The following ZZZ3 variants were observed in gnomAD, a reference collection of about 807,000 sequenced individuals.
ZZZ3 encodes zinc finger ZZ-type containing 3.
ZZZ3 carries 22 observed loss-of-function variants against 95.2 expected under a neutral mutation model. The ratio of observed to expected loss-of-function variants is 0.23; its 90% confidence interval spans 0.17 to 0.33. The LOEUF is 0.33. ZZZ3 is among the 10% of genes least tolerant of loss of function. The pLI, the probability that ZZZ3 is intolerant of heterozygous loss-of-function variation, is 1.00. For missense variants in ZZZ3, 885 were observed against 1,066.5 expected (o/e 0.83, Z 2.37); for synonymous variants, 335 against 358.9 (o/e 0.93, Z 0.75).
chr1:77,673,256 A>G (rs1384198073), intron 1 of ZZZ3, among the ~76,000 whole-genome samples: 1 of 152,200 alleles, frequency 6.6e-6, no homozygotes, highest in African/African-American at 2.4e-5. Context: ...TAAAATTAAG[A>G]AAGTGAAATG....
chr1:77,657,187 G>A (rs1387678122), intron 1 of ZZZ3, among the ~76,000 whole-genome samples: 1 of 152,032 alleles, frequency 6.6e-6, no homozygotes, highest in African/African-American at 2.4e-5. Flanking sequence ...TCACTGTGTT[G>A]GCCAGACTGG....
At chr1:77,589,738 G>A (rs1663485470) in intron 5 of ZZZ3, among the ~76,000 whole-genome samples, 2 of 152,044 alleles carry the variant, frequency 1.3e-5, no homozygotes, top group African/African-American at 4.8e-5. Flanking sequence ...AGGATTATAG[G>A]CATGAACCAC....
At chr1:77,581,385 T>C (rs528888356) in intron 8 of ZZZ3, among the ~76,000 whole-genome samples, 1 of 152,170 alleles carries the variant, frequency 6.6e-6, no homozygotes, top group South Asian at 2.1e-4. Flanking sequence ...TAACTAAGAG[T>C]GGCAAGGCCA....
intron 5 of ZZZ3, among the ~76,000 whole-genome samples, chr1:77,607,625 T>C (rs1665372821): frequency 6.6e-6 from 1 of 152,078 alleles, no homozygotes; most frequent in Non-Finnish European, 1.5e-5. Flanking sequence ...AGACAGGCTA[T>C]TTGAAAATAC....
At chr1:77,576,426 A>G (rs1661954022) in intron 11 of ZZZ3, among the ~76,000 whole-genome samples, 1 of 152,056 alleles carries the variant, frequency 6.6e-6, no homozygotes, top group African/African-American at 2.4e-5. Context: ...TGTAGGGGAA[A>G]TACCCCAACA....
chr1:77,661,143 C>T (rs1306686488), intron 1 of ZZZ3, among the ~76,000 whole-genome samples: 1 of 151,752 alleles, frequency 6.6e-6, no homozygotes, highest in Non-Finnish European at 1.5e-5. Flanking sequence ...AGGCCAGGCG[C>T]AGTGGCTCAT....
chr1:77,632,496 A>G lies in ZZZ3; in HGVS notation c.859T>C (p.Leu287=), dbSNP rs148900999. 2.5e-6 allele frequency: 4 copies of G among 1,614,082 alleles called. No individual in the cohort carries two copies. In the African/African-American group the frequency reaches 4.0e-5, roughly 16 times the overall value. The change falls in exon 5 of 15, where the codon TTG becomes CTG. Residue 287 remains leucine (L), a synonymous_variant. Coordinates refer to ENST00000370801, the MANE Select transcript of ZZZ3 (RefSeq NM_015534.6). ...AGCTGATTAACATGTTCCACAGGCA[A>G]GCAGGCAGTTACTATTTTGTGGTCC... is the stretch of plus-strand genomic sequence containing the variant. ...LEDHKIVTAC[L]PVEHVNQLTT...
intron 3 of ZZZ3, among the ~76,000 whole-genome samples, chr1:77,640,722 C>T (rs72683667): frequency 0.045 from 6,810 of 152,030 alleles, 231 homozygotes; most frequent in Non-Finnish European, 0.069. Context: ...GAAACTGTCG[C>T]TTTATTATAA....
chr1:77,580,838 T>C (rs1662438336), intron 9 of ZZZ3, 160 bp downstream of exon 9: 11 of 580,804 alleles, frequency 1.9e-5, no homozygotes, highest in Non-Finnish European at 3.1e-5. Flanking sequence ...GTTGGCCAGG[T>C]TGGTCTTGAA....
chr1:77,614,429 C>T (rs929389913), intron 5 of ZZZ3, among the ~76,000 whole-genome samples: 1 of 152,228 alleles, frequency 6.6e-6, no homozygotes, highest in Non-Finnish European at 1.5e-5. Context: ...CCATTAACGT[C>T]TCTTGATTCT....
chr1:77,603,070 T>G (rs1445763764), intron 5 of ZZZ3, among the ~76,000 whole-genome samples: 1 of 152,066 alleles, frequency 6.6e-6, no homozygotes, highest in African/African-American at 2.4e-5. Flanking sequence ...CCTATTTCTT[T>G]AAGAACCTGT....
intron 5 of ZZZ3, among the ~76,000 whole-genome samples, chr1:77,599,511 T>C (rs1211720584): frequency 6.6e-6 from 1 of 152,040 alleles, no homozygotes; most frequent in Non-Finnish European, 1.5e-5. Flanking sequence ...TTTCATAATA[T>C]AATTATTTAC....
In ZZZ3 at chr1:77,565,209, CTT is replaced by C. The variant is rs919415693; in HGVS notation, c.*429_*430del. ...AAGCAAACACCATCATTGGTTAAAA[CTT>C]TGTCTAAAGAAGTCAGTTTCTGTGC... On this transcript the variant is annotated 3_prime_UTR_variant, in exon 15 of 15. Transcript: ENST00000370801. 3.2e-5 allele frequency: 5 copies of C among 154,278 alleles called. No individual in the cohort carries two copies. Among genetic ancestry groups the C allele is most frequent in the African/African-American group, 1.2e-4 (5 of 41,618 alleles). The allele number at this position is 154,278 out of a possible 1,614,324, so 9.6% of individuals were successfully genotyped here.
At chr1:77,666,862 A>G (rs1198983499) in intron 1 of ZZZ3, among the ~76,000 whole-genome samples, 2 of 152,248 alleles carry the variant, frequency 1.3e-5, no homozygotes, top group African/African-American at 2.4e-5. Context: ...ATTGAAGTCT[A>G]TGTAAATGAT....
intron 5 of ZZZ3, among the ~76,000 whole-genome samples, chr1:77,603,818 A>G (rs969831955): frequency 1.3e-5 from 2 of 152,190 alleles, no homozygotes; most frequent in African/African-American, 4.8e-5. Context: ...CTTATTTCTG[A>G]CATAAAACTT....
At chr1:77,583,622 C>T (rs1031604619) in intron 6 of ZZZ3, among the ~76,000 whole-genome samples, 1 of 152,070 alleles carries the variant, frequency 6.6e-6, no homozygotes, top group Admixed American at 6.5e-5. Context: ...GAAATAAAGT[C>T]CCCAGGGCTG....
At chr1:77,649,623 C>T (rs748700808) in intron 1 of ZZZ3, among the ~76,000 whole-genome samples, 191 of 152,264 alleles carry the variant, frequency 1.3e-3, no homozygotes, top group Non-Finnish European at 1.9e-3. Flanking sequence ...TGGCTCATGC[C>T]TGTAATCCCA....
intron 12 of ZZZ3, 136 bp downstream of exon 12, chr1:77,575,932 A>G: frequency 1.6e-6 from 1 of 641,818 alleles, no homozygotes; most frequent in Non-Finnish European, 2.4e-6. Context: ...TCCTCACAAA[A>G]GTACATTACT....
chr1:77,568,461 G>A lies in ZZZ3; in HGVS notation c.2337C>T (p.Asp779=), dbSNP rs374722455. The A allele has an allele frequency of 1.4e-5, 14 of 968,932 alleles. No individual in the cohort carries two copies. Among genetic ancestry groups the A allele is most frequent in the South Asian group, 8.0e-5 (4 of 49,800 alleles). The allele number at this position is 968,932 out of a possible 1,614,324, so 60.0% of individuals were successfully genotyped here. Reference sequence around the variant, plus strand: ...TCCTATACATGATAGGAATACTTTCGTCATCCTATCAAAAAAAAAAAAAAA... The same window carrying A: ...TCCTATACATGATAGGAATACTTTCATCATCCTATCAAAAAAAAAAAAAAA... ...MNTAVEDASD[D]ESIPIMYRNL... The change falls in exon 13 of 15, where the codon GAC becomes GAT. Residue 779 remains aspartate (D), a synonymous_variant. Transcript: ENST00000370801.
Sources: gnomAD v4.1 joint callset for allele counts (sites outside exome capture counted in the v4.1 genomes callset) on GRCh38, gnomAD v4.1.1 for gene constraint, MANE v1.5 for transcripts, NCBI Gene and HGNC (gene_info 2026-07-23, HGNC 2026-07-21) for gene names.